MYO7A: variants seen among roughly 807,000 people sequenced by gnomAD.
MYO7A encodes the protein myosin VIIA.
A neutral mutation model predicts 263.8 loss-of-function variants in MYO7A; 210 were observed. The observed-to-expected ratio is 0.80, with a 90% confidence interval of 0.71 to 0.89. The LOEUF (loss-of-function observed/expected upper bound fraction) is 0.89. MYO7A is among the 40% of genes least tolerant of loss of function. MYO7A has a pLI of 0.00. For missense variants in MYO7A, 2,820 were observed against 2,968.3 expected (o/e 0.95, Z 1.16); for synonymous variants, 1,239 against 1,197.3 (o/e 1.03, Z -0.72).
At chr11:77,131,078 C>A (rs1330346708) in intron 2 of MYO7A, among the ~76,000 whole-genome samples, 1 of 152,112 alleles carries the variant, frequency 6.6e-6, no homozygotes, top group Non-Finnish European at 1.5e-5. Context: ...TGAGCTGGAG[C>A]CCCCTGGGAT....
intron 44 of MYO7A, 162 bp downstream of exon 44, chr11:77,208,965 A>T: frequency 3.2e-6 from 2 of 618,398 alleles, no homozygotes; most frequent in South Asian, 1.9e-5. Flanking sequence ...GGATGGCCCA[A>T]CCCCTGATCC....
chr11:77,129,894 T>C (rs1565290096), intron 1 of MYO7A, among the ~76,000 whole-genome samples: 1 of 151,694 alleles, frequency 6.6e-6, no homozygotes, highest in Non-Finnish European at 1.5e-5. Context: ...AGTATAAGGG[T>C]AGGAAAGGGA....
intron 16 of MYO7A, among the ~76,000 whole-genome samples, chr11:77,174,129 C>T (rs1424557749): frequency 6.6e-6 from 1 of 152,112 alleles, no homozygotes; most frequent in Non-Finnish European, 1.5e-5. Flanking sequence ...TGGATGAGGC[C>T]CTCACAGAGC....
intron 32 of MYO7A, among the ~76,000 whole-genome samples, chr11:77,196,366 C>CAAAA (rs59969033): frequency 6.3e-4 from 87 of 137,462 alleles, no homozygotes; most frequent in African/African-American, 2.3e-3. Flanking sequence ...GACTCCTTCT[C>CAAAA]AAAAAAAAAA....
At position 77,190,566 on chromosome 11, in the gene MYO7A, G is replaced by A; in HGVS notation, c.3751-131G>A. ...GACACCTGTGACAGGGACAAGCAGT[G>A]TCCCAGTGAGGTACTGGGGCCTGGG... is the stretch of plus-strand genomic sequence containing the variant. On this transcript the variant is annotated intron_variant, in intron 29 of 48. Coordinates refer to ENST00000409709, the MANE Select transcript of MYO7A (RefSeq NM_000260.4). The A allele has an allele frequency of 1.5e-5, 6 of 406,944 alleles. No homozygotes were observed. In the South Asian group the frequency reaches 1.8e-4, roughly 12 times the overall value. The allele number at this position is 406,944 out of a possible 1,614,324, so 25.2% of individuals were successfully genotyped here.
intron 2 of MYO7A, among the ~76,000 whole-genome samples, chr11:77,132,903 G>A (rs1306036052): frequency 4.6e-5 from 7 of 152,222 alleles, no homozygotes; most frequent in Non-Finnish European, 7.3e-5. Context: ...CACTGGGCCC[G>A]GCCTGTGGAA....
chr11:77,188,650 A>T (rs782266544), intron 27 of MYO7A, among the ~76,000 whole-genome samples: 1 of 152,120 alleles, frequency 6.6e-6, no homozygotes, highest in Non-Finnish European at 1.5e-5. Context: ...GCTGGCATTT[A>T]TGAGGGGTTC....
chr11:77,183,039 C>T (rs1555085927), intron 25 of MYO7A, 29 bp from the exon 26 acceptor site: 1 of 1,544,636 alleles, frequency 6.5e-7, no homozygotes, highest in Non-Finnish European at 8.8e-7. Flanking sequence ...TGCTCAGCCA[C>T]TTGACCCTGA....
intron 31 of MYO7A, among the ~76,000 whole-genome samples, chr11:77,192,992 G>A (rs1956268003): frequency 7.8e-6 from 1 of 128,996 alleles, no homozygotes; most frequent in Non-Finnish European, 1.6e-5. Context: ...GATGGTGGAG[G>A]TAGTGATGCT....
At position 77,211,910 on chromosome 11, in the gene MYO7A, C is replaced by T. The variant is rs753498666; in HGVS notation, c.6327C>T (p.Thr2109=). 6.2e-7 allele frequency: 1 copy of T among 1,613,930 alleles called. No homozygotes were observed. Among genetic ancestry groups the T allele is most frequent in the Non-Finnish European group, 8.5e-7 (1 of 1,179,824 alleles). ...TGAAGCTCATCTTCAAGTGGCCCAC[C>T]TTTGGCTCAGCCTTCTTCGAGGTGA... ...AFLKLIFKWP[T]FGSAFFEVKQ... Residue 2109 remains threonine (T), a synonymous_variant, in exon 46 of 49, where the codon ACC becomes ACT. Transcript: ENST00000409709.
chr11:77,158,149 G>A, intron 8 of MYO7A, 128 bp from the exon 9 acceptor site: 1 of 1,030,762 alleles, frequency 9.7e-7, no homozygotes, highest in Non-Finnish European at 1.3e-6. Context: ...GGTGAGGTCA[G>A]CGCCTGGGGC....
chr11:77,191,581 T>C (rs1472184732), intron 30 of MYO7A, among the ~76,000 whole-genome samples: 1 of 152,212 alleles, frequency 6.6e-6, no homozygotes, highest in East Asian at 1.9e-4. Context: ...CTGAAGCAGC[T>C]GGAGTGTGGG....
intron 4 of MYO7A, among the ~76,000 whole-genome samples, chr11:77,152,425 C>CG (rs1207501823): frequency 6.6e-6 from 1 of 152,216 alleles, no homozygotes; most frequent in Non-Finnish European, 1.5e-5. Flanking sequence ...GAGGCCCTGC[C>CG]ACAGGGGACA....
At chr11:77,159,118 G>T (rs1176546589) in intron 9 of MYO7A, among the ~76,000 whole-genome samples, 4 of 152,220 alleles carry the variant, frequency 2.6e-5, no homozygotes, top group African/African-American at 9.7e-5. Context: ...GGGATCCAAA[G>T]CTTGTCTAAC....
intron 41 of MYO7A, chr11:77,207,025 CTG>C (rs1181097703): frequency 2.7e-6 from 1 of 370,238 alleles, no homozygotes; most frequent in Non-Finnish European, 4.9e-6. Flanking sequence ...GGACCCCTCA[CTG>C]TCACTCAGGC....
Position 77,147,888 on chromosome 11 carries a change from G to GA in MYO7A, c.224dup (p.Asp75GlufsTer65), listed in dbSNP as rs1224819887. Reference sequence around the variant, plus strand: ...CGTGGAGGACATGATCCGCCTGGGGGACCTCAACGAGGCGGGCATCTTGCG... The same window carrying GA: ...CGTGGAGGACATGATCCGCCTGGGGGAACCTCAACGAGGCGGGCATCTTGCG... On this transcript the variant is annotated frameshift_variant, in exon 4 of 49. Coordinates refer to ENST00000409709, the MANE Select transcript of MYO7A (RefSeq NM_000260.4). LOFTEE classifies it high-confidence loss of function. 11 of 1,594,638 alleles carry GA rather than the reference G, an allele frequency of 6.9e-6. No individual in the cohort carries two copies. Among genetic ancestry groups the GA allele is most frequent in the Non-Finnish European group, 8.5e-6 (10 of 1,171,744 alleles).
intron 35 of MYO7A, among the ~76,000 whole-genome samples, chr11:77,200,413 G>A (rs569814897): frequency 1.4e-4 from 22 of 152,322 alleles, no homozygotes; most frequent in African/African-American, 4.6e-4. Flanking sequence ...GGGGTGCCAG[G>A]CTCTTTTTAA....
intron 4 of MYO7A, among the ~76,000 whole-genome samples, chr11:77,150,949 T>C (rs1951917349): frequency 6.6e-6 from 1 of 152,180 alleles, no homozygotes; most frequent in Non-Finnish European, 1.5e-5. Context: ...CGTCCCTTCA[T>C]GGATTGGGTT....
chr11:77,180,281 C>A, intron 21 of MYO7A, 93 bp from the exon 22 acceptor site: 1 of 699,488 alleles, frequency 1.4e-6, no homozygotes, highest in Non-Finnish European at 2.2e-6. Context: ...TGCCCAGTTC[C>A]AGAACTCAGA....
Sources: allele counts gnomAD v4.1 joint callset (sites outside exome capture counted in the v4.1 genomes callset), GRCh38; gene constraint gnomAD v4.1.1; transcripts MANE v1.5; gene names NCBI Gene and HGNC (gene_info 2026-07-23, HGNC 2026-07-21).